The following DOP1B variants were observed in gnomAD, a reference collection of about 807,000 sequenced individuals.
DOP1B encodes the protein protein DOP1B.
Under a neutral mutation model 233.5 loss-of-function variants are expected in DOP1B, and 174 were observed. The ratio of observed to expected loss-of-function variants is 0.75; its 90% CI spans 0.66 to 0.85. The LOEUF is 0.85. Among genes scored for constraint, DOP1B ranks in the 40% least tolerant of loss-of-function variants. DOP1B has a pLI of 0.00. For missense variants in DOP1B, 2,652 were observed against 2,846.6 expected, an observed-to-expected ratio of 0.93 and a Z score of 1.56; for synonymous variants, 1,190 against 1,185.6, an observed-to-expected ratio of 1.00 and a Z score of -0.08.
At chr21:36,172,547 G>C (rs1008339199) in intron 2 of DOP1B, among the ~76,000 whole-genome samples, 2 of 151,772 alleles carry the variant, frequency 1.3e-5, no homozygotes, top group African/African-American at 4.8e-5. Flanking sequence ...AGGATCACTT[G>C]AGCCCAGGAG....
At chr21:36,291,004 C>G (rs1341961366) in intron 35 of DOP1B, among the ~76,000 whole-genome samples, 1 of 151,076 alleles carries the variant, frequency 6.6e-6, no homozygotes, top group East Asian at 1.9e-4. Flanking sequence ...TGGCTCATGT[C>G]TGTAACCCCA....
chr21:36,217,551 G>A (rs1025935719), intron 9 of DOP1B, among the ~76,000 whole-genome samples: 2 of 152,174 alleles, frequency 1.3e-5, no homozygotes, highest in African/African-American at 2.4e-5. Context: ...AGTCCTACCC[G>A]AGATGTTTGC....
intron 7 of DOP1B, among the ~76,000 whole-genome samples, chr21:36,212,580 G>A (rs1206058399): frequency 6.6e-6 from 1 of 152,202 alleles, no homozygotes. Flanking sequence ...GTGTCAGAGT[G>A]TGTGGACTGC....
At position 36,232,924 on chromosome 21, in the gene DOP1B, C is replaced by G; in HGVS notation, c.2471C>G (p.Ser824Cys). 2 of 1,614,118 alleles carry G rather than the reference C, an allele frequency of 1.2e-6. No individual in the cohort carries two copies. The highest frequency in any genetic ancestry group is 1.7e-6 in the Non-Finnish European group (2 of 1,180,030). Reference sequence around the variant, plus strand: ...ACTCTGCTGGAAGTGATAAACCATTCCCAGTCCCTGGCGCTTGTCATTGAA... The same window carrying G: ...ACTCTGCTGGAAGTGATAAACCATTGCCAGTCCCTGGCGCTTGTCATTGAA... ...ISTLLEVINH[S>C]QSLALVIEDK... Residue 824 changes from serine to cysteine, a missense_variant, in exon 15 of 37, where the codon TCC becomes TGC. Ser to Cys is a moderately radical substitution (Grantham distance 112). Transcript: ENST00000691173.
chr21:36,196,918 T>C (rs2066297087), intron 2 of DOP1B, among the ~76,000 whole-genome samples: 1 of 151,802 alleles, frequency 6.6e-6, no homozygotes, highest in Non-Finnish European at 1.5e-5. Context: ...AACCCTTTTT[T>C]GATGACCACT....
intron 5 of DOP1B, among the ~76,000 whole-genome samples, chr21:36,209,175 G>A (rs1056578940): frequency 2.0e-5 from 3 of 152,206 alleles, no homozygotes; most frequent in Non-Finnish European, 4.4e-5. Context: ...AGGCTGGGGT[G>A]CAGTGGCACA....
chr21:36,176,570 G>A (rs1421333222), intron 2 of DOP1B, among the ~76,000 whole-genome samples: 1 of 152,150 alleles, frequency 6.6e-6, no homozygotes, highest in Non-Finnish European at 1.5e-5. Flanking sequence ...TGAGGGTGGA[G>A]GTGGCCAGGT....
At chr21:36,168,101 A>G (rs1008275881) in intron 2 of DOP1B, among the ~76,000 whole-genome samples, 2 of 149,802 alleles carry the variant, frequency 1.3e-5, no homozygotes, top group South Asian at 4.2e-4. Context: ...ACACCACCAC[A>G]CCCGGCTAAT....
rs945116613 is a variant in DOP1B, at chr21:36,169,715, T to G, written c.138+4844T>G. On this transcript the variant is annotated intron_variant, in intron 2 of 36. Coordinates refer to ENST00000691173, the MANE Select transcript of DOP1B (RefSeq NM_001320714.2). ...GGCAGCGAGGCGGGTGACTTGGCAG[T>G]GCTTCCTCATGCTGCTGAAGTCTTC... 2.5e-5 allele frequency: 24 copies of G among 958,604 alleles called. No homozygotes were observed. In the African/African-American group the frequency reaches 3.0e-4, roughly 12 times the overall value. 59.4% of individuals were successfully genotyped at this position (958,604 alleles called of 1,614,324 possible).
intron 10 of DOP1B, among the ~76,000 whole-genome samples, chr21:36,221,352 G>A (rs60190396): frequency 6.6e-5 from 10 of 151,702 alleles, no homozygotes; most frequent in East Asian, 2.0e-4. Flanking sequence ...AAGGTTAGCC[G>A]GGTGTGGTGG....
chr21:36,172,130 G>C (rs988449275), intron 2 of DOP1B, among the ~76,000 whole-genome samples: 1 of 152,152 alleles, frequency 6.6e-6, no homozygotes. Context: ...GACAGGAGTA[G>C]CCAGAGGACA....
intron 2 of DOP1B, among the ~76,000 whole-genome samples, chr21:36,176,078 C>T (rs188794794): frequency 2.5e-3 from 57 of 22,692 alleles, no homozygotes; most frequent in African/African-American, 8.2e-3. Flanking sequence ...TGAGGAGCTT[C>T]GACTTTGGGG....
chr21:36,244,637 G>A (rs112967408), intron 18 of DOP1B, among the ~76,000 whole-genome samples: 4,172 of 152,118 alleles, frequency 0.027, 83 homozygotes, highest in Non-Finnish European at 0.039. Context: ...TTTTGGCGAG[G>A]CTGATCTCGA....
intron 2 of DOP1B, among the ~76,000 whole-genome samples, chr21:36,171,027 C>G (rs933379168): frequency 6.6e-6 from 1 of 152,192 alleles, no homozygotes; most frequent in Admixed American, 6.5e-5. Flanking sequence ...GAGCTCACTG[C>G]GTGCTAAGGA....
chr21:36,193,265 G>C (rs1203218442), intron 2 of DOP1B, among the ~76,000 whole-genome samples: 1 of 152,176 alleles, frequency 6.6e-6, no homozygotes, highest in Non-Finnish European at 1.5e-5. Flanking sequence ...TGAAGACTTG[G>C]AGAAACAGGG....
At chr21:36,265,803 A>G (rs1202205188) in intron 26 of DOP1B, among the ~76,000 whole-genome samples, 1 of 152,206 alleles carries the variant, frequency 6.6e-6, no homozygotes, top group Admixed American at 6.5e-5. Context: ...AGAAAAAAAC[A>G]AAGTGTGATT....
intron 12 of DOP1B, among the ~76,000 whole-genome samples, chr21:36,227,201 T>C (rs1025383120): frequency 5.5e-4 from 77 of 140,594 alleles, no homozygotes; most frequent in South Asian, 1.8e-3. Flanking sequence ...GAGTGAGACT[T>C]CATCTCAAAA....
intron 13 of DOP1B, among the ~76,000 whole-genome samples, chr21:36,229,413 G>A (rs756882818): frequency 2.0e-5 from 3 of 152,050 alleles, no homozygotes; most frequent in Non-Finnish European, 2.9e-5. Flanking sequence ...GCCCAGTCTC[G>A]GCCTTTATGT....
At position 36,245,613 on chromosome 21, in the gene DOP1B, A is replaced by G. The variant is rs773324057; in HGVS notation, c.3633A>G (p.Leu1211=). 1.2e-6 allele frequency: 2 copies of G among 1,613,456 alleles called. No individual in the cohort carries two copies. Among genetic ancestry groups the G allele is most frequent in the African/African-American group, 2.7e-5 (2 of 75,046 alleles). ...ELQALTTSRL[L]KQQRERQEAV... is the part of the protein sequence containing the mutation. The stretch of plus-strand genomic sequence containing the variant: ...AGGCCCTCACCACATCCAGGCTGCT[A>G]AAGCAGCAGCGGGAAAGGCAGGAGG... Residue 1211 remains leucine, a synonymous_variant, in exon 19 of 37, where the codon CTA becomes CTG. Coordinates refer to ENST00000691173, the MANE Select transcript of DOP1B (RefSeq NM_001320714.2). This position sits in a 1 kb window ranked among gnomAD's most constrained non-coding sequence, Gnocchi z 5.5.
Sources: allele counts gnomAD v4.1 joint callset (sites outside exome capture counted in the v4.1 genomes callset), GRCh38; gene constraint gnomAD v4.1.1; non-coding constraint Gnocchi (gnomAD v3.1); transcripts MANE v1.5; gene names NCBI Gene and HGNC (gene_info 2026-07-23, HGNC 2026-07-21).